Variants in ZNF648 observed in about 807,000 individuals in gnomAD.
The protein encoded by ZNF648 is zinc finger protein 648.
In ZNF648, 1 loss-of-function variant was observed where a neutral mutation model predicts 0.3. The ratio of observed to expected loss-of-function variants is 3.90; its 90% CI spans 1.39 to 18.51. The LOEUF is 18.51. ZNF648 is among the 30% of genes most tolerant of loss of function. The pLI is 0.11. For missense variants in ZNF648, 874 were observed against 769.7 expected, an observed-to-expected ratio of 1.14 and a Z score of -1.60; for synonymous variants, 376 against 326.8, an observed-to-expected ratio of 1.15 and a Z score of -1.62.
In ZNF648 at chr1:182,058,036, C is replaced by T; in HGVS notation, c.-26G>A. The T allele has an allele frequency of 6.4e-7, 1 of 1,572,506 alleles. No individual in the cohort carries two copies. The highest frequency in any genetic ancestry group is 8.6e-7 in the Non-Finnish European group (1 of 1,163,172). ...GATGTTCAGGCGCTTCTATTGCCTA[C>T]TCCTCTGAGGAGGAGTATCCTGCTT... On this transcript the variant is annotated 5_prime_UTR_variant, in exon 2 of 2. Transcript: ENST00000339948.
In ZNF648 at chr1:182,056,556, A is replaced by AAAGGCCG. The variant is rs1665914508; in HGVS notation, c.1454_1455insCGGCCTT (p.Ala486GlyfsTer35). On this transcript the variant is annotated frameshift_variant, in exon 2 of 2. Coordinates refer to ENST00000339948, the MANE Select transcript of ZNF648 (RefSeq NM_001009992.1). LOFTEE classifies it low-confidence loss of function (END_TRUNC). The stretch of plus-strand genomic sequence containing the variant: ...GCCGCTTCAGGGTCGAAGAGCGGGC[A>AAAGGCCG]AAGGCCTGGCCACACTGCGTGCAAG... The AAAGGCCG allele has an allele frequency of 6.2e-7, 1 of 1,614,080 alleles. No individual in the cohort carries two copies. Among genetic ancestry groups the AAAGGCCG allele is most frequent in the Admixed American group, 1.7e-5 (1 of 60,022 alleles).
the ZNF648 span, among the ~76,000 whole-genome samples, chr1:182,069,556 G>A: frequency 6.6e-6 from 1 of 152,122 alleles, no homozygotes; most frequent in East Asian, 1.9e-4. Context: ...CTGTGGCCTG[G>A]TTTTGCCTAT....
upstream of ZNF648, among the ~76,000 whole-genome samples, chr1:182,066,095 T>C (rs1472172522): frequency 6.6e-6 from 1 of 152,250 alleles, no homozygotes; most frequent in Non-Finnish European, 1.5e-5. Flanking sequence ...ATGTATTGGT[T>C]ATTATTTGCA....
At chr1:182,069,193 C>G in the ZNF648 span, 1 of 152,088 alleles carries the variant, frequency 6.6e-6, no homozygotes. Flanking sequence ...AGCTGCGGAG[C>G]TCCTGGCTCC....
chr1:182,057,701 T>A lies in ZNF648; in HGVS notation c.310A>T (p.Ser104Cys). 6.2e-7 allele frequency: 1 copy of A among 1,614,218 alleles called. No individual in the cohort carries two copies. The change falls in exon 2 of 2, where the codon AGC (serine) becomes TGC (cysteine). Residue 104 changes from serine to cysteine, a missense_variant. Ser to Cys is a moderately radical substitution (Grantham distance 112). Transcript: ENST00000339948. ...TCGTTGATCTTTGTCACATCTCTGC[T>A]CCAACTGGCTTTCCCAGACATTTCC... ...PVEMSGKASW[S>C]RDVTKINETQ...
At position 182,056,599 on chromosome 1, in the gene ZNF648, G is replaced by A. The variant is rs749575946; in HGVS notation, c.1412C>T (p.Thr471Ile). 6.2e-7 allele frequency: 1 copy of A among 1,613,570 alleles called. No individual in the cohort carries two copies. Among genetic ancestry groups the A allele is most frequent in the Non-Finnish European group, 8.5e-7 (1 of 1,179,834 alleles). ...CGTGCAAGGAAAGGGCCTCTCGCCA[G>A]TGTGGATGCGCTGGTGGCGCACGAG... is the stretch of plus-strand genomic sequence containing the variant. ...SRLVRHQRIH[T>I]GERPFPCTQC... The change falls in exon 2 of 2, where the codon ACT becomes ATT. Residue 471 changes from threonine (T) to isoleucine (I), a missense_variant. Physicochemically the swap from Thr to Ile is moderately conservative, Grantham distance 89. Coordinates refer to ENST00000339948, the MANE Select transcript of ZNF648 (RefSeq NM_001009992.1).
At position 182,057,077 on chromosome 1, in the gene ZNF648, A is replaced by G. The variant is rs1162874687; in HGVS notation, c.934T>C (p.Cys312Arg). The G allele has an allele frequency of 1.2e-6, 2 of 1,612,682 alleles. No individual in the cohort carries two copies. Among genetic ancestry groups the G allele is most frequent in the Non-Finnish European group, 1.7e-6 (2 of 1,179,904 alleles). The stretch of plus-strand genomic sequence containing the variant: ...GAGGACCAGGTGTAGGCCTTGTCGC[A>G]GAAGGAGCACTGGTAGGGCCGCTCG... ...TGERPYQCSF[C>R]DKAYTWSSDH... The change falls in exon 2 of 2, where the codon TGC becomes CGC. Residue 312 changes from cysteine to arginine, a missense_variant. Physicochemically the swap from Cys to Arg is radical, Grantham distance 180. Coordinates refer to ENST00000339948, the MANE Select transcript of ZNF648 (RefSeq NM_001009992.1).
At position 182,056,876 on chromosome 1, in the gene ZNF648, G is replaced by T; in HGVS notation, c.1135C>A (p.Leu379Met). 1 of 1,575,400 alleles carries T rather than the reference G, an allele frequency of 6.3e-7. No homozygotes were observed. Among genetic ancestry groups the T allele is most frequent in the South Asian group, 1.2e-5 (1 of 86,922 alleles). ...CGLTFNKPLS[L>M]LRHQRTHLGA... ...AGGTGCGTGCGCTGGTGGCGCAGCA[G>T]CGACAGCGGCTTGTTGAAGGTCAGG... The change falls in exon 2 of 2, where the codon CTG becomes ATG. Residue 379 changes from leucine (L) to methionine (M), a missense_variant. Leu to Met is a conservative substitution (Grantham distance 15, BLOSUM62 2). Transcript: ENST00000339948.
At chr1:182,067,457 A>G in the ZNF648 span, among the ~76,000 whole-genome samples, 3 of 152,086 alleles carry the variant, frequency 2.0e-5, no homozygotes, top group Non-Finnish European at 4.4e-5. Context: ...CCCAATCAGT[A>G]TTAGCTAACA....
chr1:182,057,337 GC>G lies in ZNF648; in HGVS notation c.673del (p.Ala225GlnfsTer42). On this transcript the variant is annotated frameshift_variant, in exon 2 of 2. Coordinates refer to ENST00000339948, the MANE Select transcript of ZNF648 (RefSeq NM_001009992.1). LOFTEE classifies it low-confidence loss of function (END_TRUNC). Reference sequence around the variant, plus strand: ...TACTTTCCTGCTGTTCCGCGCTTTTGCCAGGACCGCGGCAGCCAGGCTGGCT... The same window carrying G: ...TACTTTCCTGCTGTTCCGCGCTTTTGCAGGACCGCGGCAGCCAGGCTGGCT... The part of the protein sequence containing the change: ...TPASLAAAVL[A>X]KARNSRKVQN... 1 of 1,609,600 alleles carries G rather than the reference GC, an allele frequency of 6.2e-7. No homozygotes were observed. Among genetic ancestry groups the G allele is most frequent in the Non-Finnish European group, 8.5e-7 (1 of 1,179,724 alleles).
upstream of ZNF648, chr1:182,064,763 CG>C (rs1363245817): frequency 2.6e-5 from 4 of 152,132 alleles, no homozygotes; most frequent in Admixed American, 1.3e-4. Flanking sequence ...CCCATAGCCA[CG>C]TTATCAGTTG....
chr1:182,059,074 G>A (rs1439157111), intron 1 of ZNF648, among the ~76,000 whole-genome samples: 2 of 152,142 alleles, frequency 1.3e-5, no homozygotes, highest in African/African-American at 4.8e-5. Context: ...ACCTGCCTCG[G>A]CCTCCCGAAG....
At chr1:182,066,833 C>G in the ZNF648 span, among the ~76,000 whole-genome samples, 1 of 152,124 alleles carries the variant, frequency 6.6e-6, no homozygotes, top group African/African-American at 2.4e-5. Context: ...TTATTTTTAT[C>G]CTAGAGCTAT....
At position 182,056,545 on chromosome 1, in the gene ZNF648, G is replaced by A; in HGVS notation, c.1466C>T (p.Ser489Leu). Residue 489 changes from serine to leucine, a missense_variant, in exon 2 of 2, where the codon TCG (serine) becomes TTG (leucine). Transcript: ENST00000339948. ...GATCTGTTGGTGCCGCTTCAGGGTCGAAGAGCGGGCAAAGGCCTGGCCACA... is the reference window on the plus strand; with the variant it reads ...GATCTGTTGGTGCCGCTTCAGGGTCAAAGAGCGGGCAAAGGCCTGGCCACA... ...TQCGQAFARSSTLKRHQQIHS... is the reference protein window; with the variant it reads ...TQCGQAFARSLTLKRHQQIHS... 1.2e-6 allele frequency: 2 copies of A among 1,614,086 alleles called. No individual in the cohort carries two copies. The highest frequency in any genetic ancestry group is 2.2e-5 in the East Asian group (1 of 44,868).
At position 182,057,452 on chromosome 1, in the gene ZNF648, A is replaced by G; in HGVS notation, c.559T>C (p.Ser187Pro). 1 of 1,614,194 alleles carries G rather than the reference A, an allele frequency of 6.2e-7. No individual in the cohort carries two copies. Among genetic ancestry groups the G allele is most frequent in the Non-Finnish European group, 8.5e-7 (1 of 1,180,020 alleles). Residue 187 changes from serine (S) to proline (P), a missense_variant, in exon 2 of 2, where the codon TCT becomes CCT. Ser to Pro is a moderately conservative substitution (Grantham distance 74, BLOSUM62 -1). Coordinates refer to ENST00000339948, the MANE Select transcript of ZNF648 (RefSeq NM_001009992.1). The part of the protein sequence containing the change: ...HKSVDTSAGN[S>P]SLLCFPRPGS... Reference sequence around the variant, plus strand: ...GGCCTGGGGAAACACAACAGAGAAGAGTTCCCTGCGGACGTGTCTACACTT... The same window carrying G: ...GGCCTGGGGAAACACAACAGAGAAGGGTTCCCTGCGGACGTGTCTACACTT...
upstream of ZNF648, among the ~76,000 whole-genome samples, chr1:182,062,515 G>C (rs1368645694): frequency 1.3e-5 from 2 of 152,080 alleles, no homozygotes; most frequent in Non-Finnish European, 2.9e-5. Context: ...GTGTGATCTT[G>C]GGCAAGTTAT....
rs1261728548 is a variant in ZNF648, at chr1:182,054,811, CT to C, written c.*1492del. 1 of 152,204 alleles carries C rather than the reference CT, an allele frequency of 6.6e-6. No individual in the cohort carries two copies. Among genetic ancestry groups the C allele is most frequent in the Non-Finnish European group, 1.5e-5 (1 of 68,040 alleles). The allele number at this position is 152,204 out of a possible 1,614,324, so 9.4% of individuals were successfully genotyped here. A position where few individuals can be genotyped will look rare whatever the true frequency, so the allele number is the denominator to read the frequency against. ...CAACAGTAAAGGATGGGGATGGACT[CT>C]TTTATTACGGTTACCTTGGTCAAAC... On this transcript the variant is annotated 3_prime_UTR_variant, in exon 2 of 2. Transcript: ENST00000339948.
upstream of ZNF648, chr1:182,064,386 C>G (rs1412014989): frequency 1.3e-5 from 2 of 152,050 alleles, no homozygotes; most frequent in Non-Finnish European, 2.9e-5. Flanking sequence ...GCTTTTATAT[C>G]CCTGTGGCCC....
At chr1:182,061,765 C>G (rs1019957428), upstream of ZNF648, 1 of 152,410 alleles carries the variant, frequency 6.6e-6, no homozygotes, top group African/African-American at 2.4e-5. Flanking sequence ...CTGCCTGCAT[C>G]CAGAGAGCAG....
Sources: allele counts gnomAD v4.1 joint callset (sites outside exome capture counted in the v4.1 genomes callset), GRCh38; gene constraint gnomAD v4.1.1; transcripts MANE v1.5; gene names NCBI Gene and HGNC (gene_info 2026-07-23, HGNC 2026-07-21).